Variants in FBXW7 observed in about 807,000 individuals in gnomAD.
FBXW7 encodes F-box and WD repeat domain containing 7.
In FBXW7, 11 loss-of-function variants were observed where a neutral mutation model predicts 86.3. The observed-to-expected ratio is 0.13, with a 90% CI of 0.08 to 0.21. The LOEUF (loss-of-function observed/expected upper bound fraction) is 0.21. Ranked by LOEUF, FBXW7 falls within the 10% of genes least tolerant of loss-of-function variation. The probability of loss-of-function intolerance (pLI) is 1.00; values close to 1 mark genes in which losing one functional copy is unlikely to be tolerated. For synonymous variants in FBXW7, 313 were observed against 297.9 expected (o/e 1.05, Z -0.52); for missense variants, 488 against 847.4 (o/e 0.58, Z 5.27).
intron 2 of FBXW7, among the ~76,000 whole-genome samples, chr4:152,512,099 GA>G (rs1748035834): frequency 6.6e-6 from 1 of 152,066 alleles, no homozygotes; most frequent in Non-Finnish European, 1.5e-5. Context: ...GACCAAGGCA[GA>G]AAAAAATTTT....
chr4:152,328,682 G>A (rs933892504), intron 10 of FBXW7: 5 of 201,400 alleles, frequency 2.5e-5, no homozygotes, highest in East Asian at 2.4e-4. Context: ...AGTTATGATA[G>A]CTCTGGCCTG....
In FBXW7 at chr4:152,383,374, T is replaced by C. The variant is rs1308435347; in HGVS notation, c.501+27929A>G. 2.0e-5 allele frequency among the ~76,000 whole-genome samples: 3 copies of C among 152,142 alleles called. No homozygotes were observed. The East Asian group carries it at 5.8e-4, about 29-fold the overall frequency. On this transcript the variant is annotated intron_variant, in intron 4 of 13. Transcript: ENST00000281708. ...GTTCTCCACGGCCTAAGATAAAGTC[T>C]GGAGATGAAGACTCTCTTCAAAGTG...
At chr4:152,405,701 T>A (rs1737365443) in intron 4 of FBXW7, among the ~76,000 whole-genome samples, 1 of 152,198 alleles carries the variant, frequency 6.6e-6, no homozygotes, top group African/African-American at 2.4e-5. Context: ...AATTTTTATC[T>A]TACAATTGCC....
intron 4 of FBXW7, among the ~76,000 whole-genome samples, chr4:152,351,221 GATACAAT>G (rs972442457): frequency 9.5e-4 from 144 of 152,182 alleles, no homozygotes; most frequent in African/African-American, 3.3e-3. Context: ...AACATAGCAT[GATACAAT>G]ATAAATACTA....
intron 4 of FBXW7, among the ~76,000 whole-genome samples, chr4:152,385,919 A>G (rs1219388916): frequency 6.6e-6 from 1 of 152,016 alleles, no homozygotes; most frequent in Non-Finnish European, 1.5e-5. Flanking sequence ...TATATATACT[A>G]CAAGTTTCAT....
intron 2 of FBXW7, among the ~76,000 whole-genome samples, chr4:152,441,368 G>A (rs898708262): frequency 3.9e-5 from 6 of 151,948 alleles, no homozygotes; most frequent in Non-Finnish European, 8.8e-5. Context: ...TTAGTCACAC[G>A]CCTCCTGCTT....
chr4:152,353,023 T>TC, intron 4 of FBXW7: 3 of 1,203,658 alleles, frequency 2.5e-6, no homozygotes, highest in Non-Finnish European at 3.1e-6. Flanking sequence ...GACAGCCCCC[T>TC]CTCCCCTTTC....
rs181298027 is a variant in FBXW7 at position 152,457,474 on chromosome 4, C to G, written c.-119-44945G>C. ...TGGCTAACACGGTGAAACCCCATCT[C>G]TGCTAAAAATACAAAAAAAATTAGC... On this transcript the variant is annotated intron_variant, in intron 2 of 13. Coordinates refer to ENST00000281708, the MANE Select transcript of FBXW7 (RefSeq NM_001349798.2). 8.3e-3 allele frequency among the ~76,000 whole-genome samples: 1,265 copies of G among 152,044 alleles called. 22 individuals are homozygous for G. The highest frequency in any genetic ancestry group is 0.029 in the African/African-American group (1,190 of 41,462).
chr4:152,349,917 T>C lies in FBXW7; in HGVS notation c.584+125A>G, dbSNP rs1731642667. 3 of 441,092 alleles carry C rather than the reference T, an allele frequency of 6.8e-6. No individual in the cohort carries two copies. The East Asian group carries it at 1.1e-4, about 16-fold the overall frequency. The allele number at this position is 441,092 out of a possible 1,614,324, so 27.3% of individuals were successfully genotyped here. A position where few individuals can be genotyped will look rare whatever the true frequency, so the allele number is the denominator to read the frequency against. On this transcript the variant is annotated intron_variant, in intron 5 of 13. Transcript: ENST00000281708. ...ATATAGTTCTCAATTTCCGGTAATC[T>C]CAAAATGTGTTAAACAGTCAACCGT...
At chr4:152,325,288 T>C (rs954300136) in intron 12 of FBXW7, 4 of 152,174 alleles carry the variant, frequency 2.6e-5, no homozygotes, top group Non-Finnish European at 5.9e-5. Context: ...TTGACAGTAC[T>C]AAGATTATGT....
In FBXW7 at chr4:152,323,155, C is replaced by T. The variant is rs954236185; in HGVS notation, c.1856-6G>A. On this transcript the variant is annotated splice_polypyrimidine_tract_variant and splice_region_variant and intron_variant, in intron 13 of 13. Coordinates refer to ENST00000281708, the MANE Select transcript of FBXW7 (RefSeq NM_001349798.2). ...ACTCTGATGCTTGTTGGGACCTAGA[C>T]AAAAACCAAAAGAATTTAATTACTG... 1.9e-6 allele frequency: 3 copies of T among 1,609,554 alleles called. No individual in the cohort carries two copies. Among genetic ancestry groups the T allele is most frequent in the East Asian group, 2.2e-5 (1 of 44,714 alleles).
Position 152,411,768 on chromosome 4 carries a change from T to C in FBXW7, c.36A>G (p.Arg12=), listed in dbSNP as rs1182094162. ...CTCTCAGAGAGCCTCCAGTTCGTCGTCTTTTGCTGCCCACAGAGAGCAGTT... is the reference window on the plus strand; with the variant it reads ...CTCTCAGAGAGCCTCCAGTTCGTCGCCTTTTGCTGCCCACAGAGAGCAGTT... ...NQELLSVGSK[R]RRTGGSLRGN... The change falls in exon 4 of 14, where the codon AGA becomes AGG. Residue 12 remains arginine (R), a synonymous_variant. Transcript: ENST00000281708. 2 of 1,613,084 alleles carry C rather than the reference T, an allele frequency of 1.2e-6. No individual in the cohort carries two copies. Among genetic ancestry groups the C allele is most frequent in the Non-Finnish European group, 8.5e-7 (1 of 1,179,578 alleles).
At chr4:152,491,178 A>G (rs1052685912) in intron 2 of FBXW7, among the ~76,000 whole-genome samples, 1 of 152,122 alleles carries the variant, frequency 6.6e-6, no homozygotes, top group African/African-American at 2.4e-5. Flanking sequence ...TCAGAAAGAA[A>G]CCATTATCAT....
At chr4:152,380,647 G>A (rs542080687) in intron 4 of FBXW7, among the ~76,000 whole-genome samples, 8 of 151,920 alleles carry the variant, frequency 5.3e-5, no homozygotes, top group Non-Finnish European at 1.2e-4. Context: ...CTTCTCCTAT[G>A]TCTTTTAAAC....
At chr4:152,528,215 T>C (rs1314645213) in intron 2 of FBXW7, among the ~76,000 whole-genome samples, 1 of 152,128 alleles carries the variant, frequency 6.6e-6, no homozygotes, top group Admixed American at 6.5e-5. Context: ...GCTATCTCTT[T>C]CTTACAGCCA....
chr4:152,445,195 G>A (rs79546343), intron 2 of FBXW7, among the ~76,000 whole-genome samples: 2,470 of 152,154 alleles, frequency 0.016, 46 homozygotes, highest in Non-Finnish European at 0.025. Flanking sequence ...TTTTTCCTAC[G>A]AATTATTGCT....
intron 2 of FBXW7, among the ~76,000 whole-genome samples, chr4:152,504,539 C>T (rs1747236601): frequency 6.6e-6 from 1 of 152,102 alleles, no homozygotes; most frequent in South Asian, 2.1e-4. Context: ...TACAGTTTTG[C>T]TTCAAAGTCT....
intron 2 of FBXW7, among the ~76,000 whole-genome samples, chr4:152,518,624 G>A (rs1748726163): frequency 6.6e-6 from 1 of 152,138 alleles, no homozygotes; most frequent in Non-Finnish European, 1.5e-5. Flanking sequence ...GTATTTGCAT[G>A]TAACTTTTGA....
chr4:152,326,899 A>G (rs555044475), intron 11 of FBXW7, among the ~76,000 whole-genome samples: 71 of 152,274 alleles, frequency 4.7e-4, no homozygotes, highest in African/African-American at 1.7e-3. Context: ...ATAAATATGC[A>G]ATAGGCTATA....
Sources: allele counts gnomAD v4.1 joint callset (sites outside exome capture counted in the v4.1 genomes callset), GRCh38; gene constraint gnomAD v4.1.1; transcripts MANE v1.5; gene names NCBI Gene and HGNC (gene_info 2026-07-23, HGNC 2026-07-21).